The following PROM1 variants were observed in gnomAD, a reference collection of about 807,000 sequenced individuals.
PROM1 encodes the protein prominin 1, also known as prominin-1.
PROM1 carries 105 observed loss-of-function variants against 116.9 expected under a neutral mutation model. That is an observed-to-expected ratio of 0.90 (90% confidence interval 0.77 to 1.06). PROM1 has a LOEUF of 1.06. Among genes scored for constraint, PROM1 ranks in the 50% least tolerant of loss-of-function variants. The pLI, the probability that PROM1 is intolerant of heterozygous loss-of-function variation, is 0.00. For missense variants in PROM1, 1,122 were observed against 1,045.2 expected (o/e 1.07, Z -1.01); for synonymous variants, 393 against 387.0 (o/e 1.02, Z -0.18).
At chr4:16,013,192 G>T in intron 11 of PROM1, 83 bp downstream of exon 11, 4 of 1,096,844 alleles carry the variant, frequency 3.6e-6, no homozygotes, top group Middle Eastern at 4.1e-4. Flanking sequence ...TTTTTAAGAG[G>T]AAAAGAACAA....
intron 11 of PROM1, among the ~76,000 whole-genome samples, chr4:16,011,116 T>C (rs1051227280): frequency 6.6e-6 from 1 of 152,156 alleles, no homozygotes; most frequent in African/African-American, 2.4e-5. Flanking sequence ...ACGCACGACA[T>C]GGCTCCGTGA....
intron 9 of PROM1, among the ~76,000 whole-genome samples, chr4:16,016,816 T>C (rs949035260): frequency 7.9e-5 from 12 of 152,176 alleles, no homozygotes; most frequent in African/African-American, 2.9e-4. Context: ...TTCTACAAAG[T>C]AAATGGCCTG....
rs894348786 is a variant in PROM1, at chr4:16,000,230, G to A, written c.1578+266C>T. ...CCAAATACTGCAATCCACATTGAGC[G>A]GCAGGACTTTAACTCCTGACCCTGA... is the stretch of plus-strand genomic sequence containing the variant. On this transcript the variant is annotated intron_variant, in intron 14 of 27. Coordinates refer to ENST00000447510, the MANE Select transcript of PROM1 (RefSeq NM_006017.3). Among the ~76,000 whole-genome samples the A allele has an allele frequency of 4.6e-5, 7 of 152,080 alleles. No homozygotes were observed. In the East Asian group the frequency reaches 7.7e-4, roughly 17 times the overall value.
chr4:16,012,555 T>C (rs1727150244), intron 11 of PROM1, among the ~76,000 whole-genome samples: 1 of 152,108 alleles, frequency 6.6e-6, no homozygotes. Flanking sequence ...AAATAAATTC[T>C]TTTACACAGT....
In PROM1 at chr4:15,992,240, C is replaced by T. The variant is rs370302107; in HGVS notation, c.1911+8G>A. 4.3e-4 allele frequency: 690 copies of T among 1,613,662 alleles called. No homozygotes were observed. The highest frequency in any genetic ancestry group is 1.2e-3 in the East Asian group (52 of 44,872). On this transcript the variant is annotated splice_region_variant and intron_variant, in intron 17 of 27. Transcript: ENST00000447510. ...CTAAAGGATCAAGCATGAACACATGCGCCATACCTGAGCCAAGTAGCTGTC... is the reference window on the plus strand; with the variant it reads ...CTAAAGGATCAAGCATGAACACATGTGCCATACCTGAGCCAAGTAGCTGTC...
intron 18 of PROM1, 103 bp from the exon 19 acceptor site, chr4:15,989,927 T>G: frequency 1.1e-6 from 1 of 881,210 alleles, no homozygotes. Flanking sequence ...TGCCATGACA[T>G]AAGCATGCAA....
chr4:16,030,251 GA>G (rs1318779192), intron 5 of PROM1, among the ~76,000 whole-genome samples: 3 of 151,246 alleles, frequency 2.0e-5, no homozygotes, highest in Admixed American at 6.6e-5. Flanking sequence ...TTTAAAGTGA[GA>G]AAAAAAAATT....
chr4:16,027,961 C>T (rs1403218959), intron 5 of PROM1, among the ~76,000 whole-genome samples: 1 of 152,022 alleles, frequency 6.6e-6, no homozygotes, highest in Non-Finnish European at 1.5e-5. Flanking sequence ...TATTTTAGAC[C>T]TACATTTCTA....
At position 15,984,610 on chromosome 4, in the gene PROM1, A is replaced by G. The variant is rs1718858055; in HGVS notation, c.2281-255T>C. ...TCACCTGTATTTACAGCTGCTCCTC[A>G]TCTCTTATGTTACTGCCTGAGCTCC... On this transcript the variant is annotated intron_variant, in intron 22 of 27. Transcript: ENST00000447510. 5.9e-5 allele frequency among the ~76,000 whole-genome samples: 9 copies of G among 152,084 alleles called. No homozygotes were observed. In the South Asian group the frequency reaches 1.9e-3, roughly 32 times the overall value.
intron 25 of PROM1, 66 bp from the exon 26 acceptor site, chr4:15,979,529 AT>A: frequency 6.5e-7 from 1 of 1,527,840 alleles, no homozygotes; most frequent in Non-Finnish European, 8.8e-7. Flanking sequence ...TACATCATGG[AT>A]TACAAAGACA....
rs190776118 is a variant in PROM1 at position 15,987,290 on chromosome 4, T to C, written c.2130+373A>G. 6.5e-3 allele frequency among the ~76,000 whole-genome samples: 995 copies of C among 152,264 alleles called. 8 individuals are homozygous for C. Among genetic ancestry groups the C allele is most frequent in the Non-Finnish European group, 0.011 (727 of 68,004 alleles). On this transcript the variant is annotated intron_variant, in intron 20 of 27. Transcript: ENST00000447510. ...CAGGCCGGGTCTCTCAATGGGAAGA[T>C]GTGTAGAGAAGCCTGCTGTCAAACC...
At chr4:16,052,910 G>T (rs772769645) in intron 2 of PROM1, among the ~76,000 whole-genome samples, 1 of 152,190 alleles carries the variant, frequency 6.6e-6, no homozygotes, top group Non-Finnish European at 1.5e-5. Context: ...AATTTCACCA[G>T]TAATGAGACA....
At chr4:15,997,499 T>C (rs1448918976) in intron 15 of PROM1, among the ~76,000 whole-genome samples, 5 of 151,900 alleles carry the variant, frequency 3.3e-5, no homozygotes, top group Non-Finnish European at 5.9e-5. Context: ...CTCACTCTTT[T>C]GCCCGGCTGG....
intron 2 of PROM1, among the ~76,000 whole-genome samples, chr4:16,057,767 T>C (rs1739378104): frequency 6.6e-6 from 1 of 152,158 alleles, no homozygotes; most frequent in African/African-American, 2.4e-5. Context: ...GAGATACATA[T>C]AGAATTACGA....
chr4:16,073,535 G>A (rs1743285974), intron 2 of PROM1, among the ~76,000 whole-genome samples: 1 of 152,114 alleles, frequency 6.6e-6, no homozygotes, highest in African/African-American at 2.4e-5. Context: ...TAGGATGATG[G>A]AAGAAAACCA....
intron 15 of PROM1, among the ~76,000 whole-genome samples, chr4:15,996,845 C>T: frequency 6.6e-6 from 1 of 152,134 alleles, no homozygotes; most frequent in East Asian, 1.9e-4. Flanking sequence ...AATGGTGGTT[C>T]ACGTGTAGGG....
chr4:16,049,782 G>A (rs1287099910), intron 2 of PROM1, among the ~76,000 whole-genome samples: 1 of 151,926 alleles, frequency 6.6e-6, no homozygotes, highest in Non-Finnish European at 1.5e-5. Flanking sequence ...TGAACAAGAT[G>A]ATGAATTTTT....
At chr4:16,074,466 G>A (rs1312558775) in intron 2 of PROM1, among the ~76,000 whole-genome samples, 2 of 152,068 alleles carry the variant, frequency 1.3e-5, no homozygotes. Context: ...GAGTGAATTT[G>A]CATCCAATGT....
At chr4:16,003,399 T>C (rs1724372193) in intron 13 of PROM1, 1 of 456,764 alleles carries the variant, frequency 2.2e-6, no homozygotes, top group Non-Finnish European at 4.4e-6. Context: ...CATGGTCTTT[T>C]TACAGCCCTT....
Sources: allele counts gnomAD v4.1 joint callset (sites outside exome capture counted in the v4.1 genomes callset), GRCh38; gene constraint gnomAD v4.1.1; transcripts MANE v1.5; gene names NCBI Gene and HGNC (gene_info 2026-07-23, HGNC 2026-07-21).